The following ATXN1 variants were observed in gnomAD, a reference collection of about 807,000 sequenced individuals.
The protein encoded by ATXN1 is ataxin 1.
Under a neutral mutation model 56.4 loss-of-function variants are expected in ATXN1, and 8 were observed. That is an observed-to-expected ratio of 0.14 (90% confidence interval 0.08 to 0.26). The LOEUF (loss-of-function observed/expected upper bound fraction) is 0.26. Ranked by LOEUF, ATXN1 falls within the 10% of genes least tolerant of loss-of-function variation. ATXN1 has a pLI of 1.00. For missense variants in ATXN1, 987 were observed against 1,106.5 expected (o/e 0.89, Z 1.53); for synonymous variants, 514 against 494.6 (o/e 1.04, Z -0.52).
intron 6 of ATXN1, among the ~76,000 whole-genome samples, chr6:16,368,640 G>A (rs1022121609): frequency 2.0e-5 from 3 of 152,036 alleles, no homozygotes; most frequent in African/African-American, 7.2e-5. Context: ...AACCTCTGAG[G>A]TCTTCCAACT....
intron 4 of ATXN1, among the ~76,000 whole-genome samples, chr6:16,564,254 AGAGTGAGATAGGT>A (rs1762173280): frequency 6.6e-6 from 1 of 152,150 alleles, no homozygotes; most frequent in Non-Finnish European, 1.5e-5. Flanking sequence ...CATTTTTGGG[AGAGTGAGATAGGT>A]AAGAAGAGAG....
At chr6:16,365,478 C>T (rs1271534083) in intron 6 of ATXN1, among the ~76,000 whole-genome samples, 3 of 152,154 alleles carry the variant, frequency 2.0e-5, no homozygotes, top group Non-Finnish European at 2.9e-5. Flanking sequence ...TGCGCCTGGC[C>T]GAATTATTGG....
At chr6:16,704,614 C>A (rs886867580) in intron 2 of ATXN1, among the ~76,000 whole-genome samples, 1 of 152,180 alleles carries the variant, frequency 6.6e-6, no homozygotes, top group African/African-American at 2.4e-5. Context: ...GTAATTTCTG[C>A]ACTTTTTTAC....
intron 6 of ATXN1, among the ~76,000 whole-genome samples, chr6:16,376,323 T>C (rs1396113139): frequency 1.3e-5 from 2 of 152,234 alleles, no homozygotes; most frequent in Non-Finnish European, 2.9e-5. Flanking sequence ...ATCCTTTCTT[T>C]GTACCCACAG....
intron 6 of ATXN1, among the ~76,000 whole-genome samples, chr6:16,348,345 A>AT (rs1761482719): frequency 6.6e-6 from 1 of 152,188 alleles, no homozygotes; most frequent in South Asian, 2.1e-4. Context: ...AATTACAGAT[A>AT]TGAGCCACAG....
At chr6:16,759,443 A>T (rs758331637) in intron 1 of ATXN1, among the ~76,000 whole-genome samples, 40 of 151,366 alleles carry the variant, frequency 2.6e-4, no homozygotes, top group Non-Finnish European at 4.6e-4. Context: ...AGGAGTCCCT[A>T]CTGCACAGCA....
chr6:16,693,005 C>A (rs1222182197), intron 2 of ATXN1, among the ~76,000 whole-genome samples: 1 of 152,082 alleles, frequency 6.6e-6, no homozygotes, highest in Non-Finnish European at 1.5e-5. Flanking sequence ...GGCTCTGGAG[C>A]CAAAGCTCTA....
At chr6:16,309,329 T>C (rs1398023393) in intron 7 of ATXN1, among the ~76,000 whole-genome samples, 1 of 151,796 alleles carries the variant, frequency 6.6e-6, no homozygotes, top group Non-Finnish European at 1.5e-5. Flanking sequence ...AAATCAAGAA[T>C]GCAATGAGCT....
intron 6 of ATXN1, among the ~76,000 whole-genome samples, chr6:16,441,966 C>T (rs948871482): frequency 6.6e-6 from 1 of 152,060 alleles, no homozygotes; most frequent in Non-Finnish European, 1.5e-5. Context: ...AAAATCGTGA[C>T]TGAAGCACAA....
intron 4 of ATXN1, among the ~76,000 whole-genome samples, chr6:16,584,075 T>C (rs1762574451): frequency 6.6e-6 from 1 of 151,750 alleles, no homozygotes; most frequent in Non-Finnish European, 1.5e-5. Context: ...GAATTTTACA[T>C]GCAAAGTAAC....
chr6:16,438,000 A>G (rs1759429077), intron 6 of ATXN1, among the ~76,000 whole-genome samples: 1 of 152,202 alleles, frequency 6.6e-6, no homozygotes, highest in Non-Finnish European at 1.5e-5. Context: ...TGGTCCCCAA[A>G]CTTTTTGGCA....
chr6:16,423,656 A>C (rs1308784431), intron 6 of ATXN1, among the ~76,000 whole-genome samples: 1 of 152,192 alleles, frequency 6.6e-6, no homozygotes, highest in Non-Finnish European at 1.5e-5. Flanking sequence ...AGCCTTGATT[A>C]CAGGCTCTCA....
At position 16,301,428 on chromosome 6, in the gene ATXN1, CTG is replaced by C. The variant is rs1373289591; in HGVS notation, c.*4899_*4900del. On this transcript the variant is annotated 3_prime_UTR_variant, in exon 8 of 8. Transcript: ENST00000436367. ...GTTTCCCTATGCCAGAAACACAACA[CTG>C]TCCGTGGAAAAGAGAGGAAACCAAC... The C allele has an allele frequency of 2.0e-5, 3 of 152,594 alleles. No homozygotes were observed. The highest frequency in any genetic ancestry group is 4.4e-5 in the Non-Finnish European group (3 of 68,046). 9.5% of individuals were successfully genotyped at this position (152,594 alleles called of 1,614,324 possible).
intron 6 of ATXN1, among the ~76,000 whole-genome samples, chr6:16,347,022 T>C (rs978986619): frequency 3.9e-5 from 6 of 152,208 alleles, no homozygotes; most frequent in Non-Finnish European, 5.9e-5. Context: ...GGCTTAGCAG[T>C]TGGGCCAGCA....
At chr6:16,482,328 T>C (rs1477149914) in intron 6 of ATXN1, among the ~76,000 whole-genome samples, 1 of 152,176 alleles carries the variant, frequency 6.6e-6, no homozygotes, top group Non-Finnish European at 1.5e-5. Context: ...AGAATAAGGA[T>C]AAGAATACCA....
chr6:16,341,511 A>G (rs952011479), intron 6 of ATXN1, among the ~76,000 whole-genome samples: 3 of 146,144 alleles, frequency 2.1e-5, no homozygotes, highest in African/African-American at 7.6e-5. Flanking sequence ...TCTGGTATAG[A>G]GGATTTTTTT....
chr6:16,547,772 A>G (rs1761842169), intron 4 of ATXN1, among the ~76,000 whole-genome samples: 2 of 152,060 alleles, frequency 1.3e-5, no homozygotes, highest in Admixed American at 6.5e-5. Flanking sequence ...TCTGAGCCCA[A>G]GTTTCCCCTT....
intron 4 of ATXN1, among the ~76,000 whole-genome samples, chr6:16,565,622 T>G (rs1174494269): frequency 6.6e-6 from 1 of 152,232 alleles, no homozygotes; most frequent in Non-Finnish European, 1.5e-5. Flanking sequence ...TAATGCTGGC[T>G]TTTAACCACA....
intron 6 of ATXN1, among the ~76,000 whole-genome samples, chr6:16,331,909 G>A (rs916425425): frequency 1.3e-5 from 2 of 152,332 alleles, no homozygotes; most frequent in East Asian, 1.9e-4. Flanking sequence ...GAGAGACATC[G>A]GCTTAGTCAG....
Sources: gnomAD v4.1 joint callset for allele counts (sites outside exome capture counted in the v4.1 genomes callset) on GRCh38, gnomAD v4.1.1 for gene constraint, MANE v1.5 for transcripts, NCBI Gene and HGNC (gene_info 2026-07-23, HGNC 2026-07-21) for gene names.